Variants in COL24A1 observed in about 807,000 individuals in gnomAD.
COL24A1 encodes the protein collagen type XXIV alpha 1 chain.
A neutral mutation model predicts 253.9 loss-of-function variants in COL24A1; 224 were observed. The ratio of observed to expected loss-of-function variants is 0.88; its 90% CI spans 0.79 to 0.99. The LOEUF is 0.99. Among genes scored for constraint, COL24A1 ranks in the 50% least tolerant of loss-of-function variants. The pLI is 0.00. For missense variants in COL24A1, 2,131 were observed against 2,068.5 expected, an observed-to-expected ratio of 1.03 and a Z score of -0.59; for synonymous variants, 685 against 673.7, an observed-to-expected ratio of 1.02 and a Z score of -0.26.
At position 86,146,220 on chromosome 1, in the gene COL24A1, A is replaced by C. The variant is rs1308037272; in HGVS notation, c.57-37T>G. The C allele has an allele frequency of 5.2e-6, 8 of 1,540,666 alleles. No homozygotes were observed. In the South Asian group the frequency reaches 9.2e-5, roughly 18 times the overall value. ...AAAAAGCATTTGGGAAAAACTTACT[A>C]GTTGGACATTTACAACCATATAGAA... On this transcript the variant is annotated intron_variant, in intron 1 of 59. Transcript: ENST00000370571.
intron 45 of COL24A1, among the ~76,000 whole-genome samples, chr1:85,818,805 G>A (rs543247572): frequency 6.6e-6 from 1 of 152,170 alleles, no homozygotes; most frequent in African/African-American, 2.4e-5. Context: ...AAGGAATCAT[G>A]TTGTCATTAC....
At chr1:85,959,091 T>C (rs1049336415) in intron 24 of COL24A1, among the ~76,000 whole-genome samples, 1 of 152,106 alleles carries the variant, frequency 6.6e-6, no homozygotes, top group Non-Finnish European at 1.5e-5. Flanking sequence ...ACAAGATAGA[T>C]GTCATGAAGT....
chr1:85,994,842 A>C (rs778899087), intron 19 of COL24A1, among the ~76,000 whole-genome samples: 15 of 152,196 alleles, frequency 9.9e-5, no homozygotes, highest in Non-Finnish European at 2.1e-4. Flanking sequence ...TTTCTTGAAA[A>C]TGCAAAATAA....
At chr1:86,045,049 G>C (rs1699790887) in intron 12 of COL24A1, among the ~76,000 whole-genome samples, 2 of 151,978 alleles carry the variant, frequency 1.3e-5, no homozygotes, top group African/African-American at 4.8e-5. Flanking sequence ...GAGTGCAGTG[G>C]CACGATCTCA....
chr1:86,042,039 T>C (rs891658430), intron 12 of COL24A1, among the ~76,000 whole-genome samples: 1 of 152,076 alleles, frequency 6.6e-6, no homozygotes, highest in African/African-American at 2.4e-5. Flanking sequence ...TTGTGACATG[T>C]AGGGAGTGCA....
At chr1:85,881,631 GA>G (rs1220846582) in intron 32 of COL24A1, among the ~76,000 whole-genome samples, 4 of 151,102 alleles carry the variant, frequency 2.6e-5, no homozygotes, top group East Asian at 1.9e-4. Context: ...TCTCAAAACA[GA>G]AAAAAAAATT....
At chr1:86,021,691 C>T (rs1697551873) in intron 18 of COL24A1, among the ~76,000 whole-genome samples, 1 of 151,544 alleles carries the variant, frequency 6.6e-6, no homozygotes, top group Non-Finnish European at 1.5e-5. Context: ...AAGTTTTAAC[C>T]ATTTTATTTA....
At chr1:85,971,425 A>T in intron 20 of COL24A1, 32 bp from the exon 21 acceptor site, 1 of 1,530,154 alleles carries the variant, frequency 6.5e-7, no homozygotes, top group African/African-American at 1.4e-5. Flanking sequence ...ACACAATAGA[A>T]ATTTTAGATC....
intron 13 of COL24A1, among the ~76,000 whole-genome samples, chr1:86,033,464 C>T (rs1034470906): frequency 6.6e-6 from 1 of 151,820 alleles, no homozygotes; most frequent in Non-Finnish European, 1.5e-5. Flanking sequence ...CTAAATAATC[C>T]CAAAGTAGAA....
intron 47 of COL24A1, among the ~76,000 whole-genome samples, chr1:85,812,183 CTA>C (rs1283833994): frequency 2.0e-5 from 3 of 152,228 alleles, no homozygotes; most frequent in Non-Finnish European, 4.4e-5. Flanking sequence ...CCGCAGCACT[CTA>C]TTCTTAAATC....
chr1:85,745,532 T>G (rs899153528), intron 55 of COL24A1, 26 bp from the exon 56 acceptor site: 2 of 1,580,508 alleles, frequency 1.3e-6, no homozygotes, highest in Non-Finnish European at 1.7e-6. Context: ...CCATTTGAGA[T>G]TAGCAATAAG....
intron 20 of COL24A1, among the ~76,000 whole-genome samples, chr1:85,974,332 G>T (rs1692455369): frequency 6.6e-6 from 1 of 152,136 alleles, no homozygotes; most frequent in Non-Finnish European, 1.5e-5. Flanking sequence ...AAGGCCATAT[G>T]TGTTTATCAG....
chr1:86,003,708 A>G (rs1695655334), intron 19 of COL24A1, among the ~76,000 whole-genome samples: 1 of 152,104 alleles, frequency 6.6e-6, no homozygotes, highest in Non-Finnish European at 1.5e-5. Flanking sequence ...AAGAGAAGTG[A>G]CCTGAAGTGA....
chr1:85,865,700 T>C (rs1171800839), intron 37 of COL24A1, among the ~76,000 whole-genome samples: 2 of 152,212 alleles, frequency 1.3e-5, no homozygotes, highest in Admixed American at 6.5e-5. Context: ...TAGAGAACTA[T>C]GCTAGTTGAT....
chr1:86,101,996 C>T (rs966444708), intron 5 of COL24A1, among the ~76,000 whole-genome samples: 11 of 151,524 alleles, frequency 7.3e-5, no homozygotes, highest in African/African-American at 1.7e-4. Flanking sequence ...AATTTTACTA[C>T]GAATCTATCT....
chr1:85,979,593 A>T (rs1383550489), intron 20 of COL24A1, among the ~76,000 whole-genome samples: 1 of 152,104 alleles, frequency 6.6e-6, no homozygotes, highest in Non-Finnish European at 1.5e-5. Flanking sequence ...GAGGAGATGT[A>T]TAAATTTCTG....
rs1673880075 is a variant in COL24A1 at position 85,823,555 on chromosome 1, T to G, written c.3770A>C (p.Lys1257Thr). The G allele has an allele frequency of 6.2e-7, 1 of 1,614,004 alleles. No homozygotes were observed. The highest frequency in any genetic ancestry group is 1.7e-4 in the Middle Eastern group (1 of 6,056). The change falls in exon 45 of 60, where the codon AAA (lysine) becomes ACA (threonine). Residue 1257 changes from lysine to threonine, a missense_variant. Coordinates refer to ENST00000370571, the MANE Select transcript of COL24A1 (RefSeq NM_152890.7). ...ACTTACTTCAGATCCTCTCTCTCCT[T>G]TTAGTCCTTGTTCACCCTGGTCACC... ...EPGDQGEQGL[K>T]GERGSEGNKG...
At chr1:86,028,228 AC>A (rs1258729441) in intron 14 of COL24A1, among the ~76,000 whole-genome samples, 4 of 152,168 alleles carry the variant, frequency 2.6e-5, no homozygotes, top group Admixed American at 1.3e-4. Flanking sequence ...ACTTTGGGGG[AC>A]TGTCGGAAAG....
In COL24A1 at chr1:85,847,536, A is replaced by C. The variant is rs902805753; in HGVS notation, c.3462+129T>G. 7 of 623,858 alleles carry C rather than the reference A, an allele frequency of 1.1e-5. No homozygotes were observed. In the African/African-American group the frequency reaches 1.3e-4, roughly 11 times the overall value. 38.6% of individuals were successfully genotyped at this position (623,858 alleles called of 1,614,324 possible). The stretch of plus-strand genomic sequence containing the variant: ...GCTTACAATTCTCCACATCCCATGG[A>C]GGTAGATTATTTTCAATGGAACTAT... On this transcript the variant is annotated intron_variant, in intron 39 of 59. Transcript: ENST00000370571.
Sources: gnomAD v4.1 joint callset for allele counts (sites outside exome capture counted in the v4.1 genomes callset) on GRCh38, gnomAD v4.1.1 for gene constraint, MANE v1.5 for transcripts, NCBI Gene and HGNC (gene_info 2026-07-23, HGNC 2026-07-21) for gene names.